Variants in CRYBA1 observed in about 807,000 individuals in gnomAD.
CRYBA1 encodes crystallin beta A1.
In CRYBA1, 25 loss-of-function variants were observed where a neutral mutation model predicts 36.2. The ratio of observed to expected loss-of-function variants is 0.69; its 90% CI spans 0.50 to 0.97. The LOEUF is 0.97. Ranked by LOEUF, CRYBA1 falls within the 50% of genes least tolerant of loss-of-function variation. CRYBA1 has a pLI of 0.00. For missense variants in CRYBA1, 224 were observed against 276.3 expected (o/e 0.81, Z 1.34); for synonymous variants, 111 against 90.0 (o/e 1.23, Z -1.32).
intron 1 of CRYBA1, among the ~76,000 whole-genome samples, chr17:29,247,147 A>G (rs1380943035): frequency 2.0e-5 from 3 of 152,238 alleles, no homozygotes; most frequent in Non-Finnish European, 4.4e-5. Context: ...GGGAGAAGGT[A>G]TGGGAGCAGG....
intron 1 of CRYBA1, among the ~76,000 whole-genome samples, chr17:29,248,056 C>T (rs1296784638): frequency 1.3e-5 from 2 of 150,890 alleles, no homozygotes; most frequent in Admixed American, 1.3e-4. Context: ...GCGGAGGTTG[C>T]GGTGAGCCGA....
At chr17:29,247,269 T>A (rs1278661984) in intron 1 of CRYBA1, among the ~76,000 whole-genome samples, 3 of 152,172 alleles carry the variant, frequency 2.0e-5, no homozygotes, top group Non-Finnish European at 4.4e-5. Context: ...TGAATATCTG[T>A]CCTAAGAAAC....
At chr17:29,250,049 A>G in intron 2 of CRYBA1, 133 bp from the exon 3 acceptor site, 1 of 757,278 alleles carries the variant, frequency 1.3e-6, no homozygotes. Flanking sequence ...CTACACTGGA[A>G]GAGACCTCAT....
chr17:29,249,234 G>A (rs1830238523), intron 2 of CRYBA1, 28 bp downstream of exon 2: 2 of 1,491,538 alleles, frequency 1.3e-6, no homozygotes, highest in Admixed American at 1.7e-5. Context: ...ACATCCAACA[G>A]GGCAGGGGTG....
intron 3 of CRYBA1, 131 bp downstream of exon 3, chr17:29,250,431 A>G (rs1036058963): frequency 2.7e-6 from 2 of 743,482 alleles, no homozygotes; most frequent in African/African-American, 3.4e-5. Flanking sequence ...AGGCCTCGAA[A>G]GAAATCACTA....
chr17:29,250,343 T>TC, intron 3 of CRYBA1, 43 bp downstream of exon 3: 2 of 1,126,024 alleles, frequency 1.8e-6, no homozygotes, highest in Non-Finnish European at 2.7e-6. Context: ...TTATTTCAGG[T>TC]CCCTTCAGAC....
intron 5 of CRYBA1, 59 bp from the exon 6 acceptor site, chr17:29,254,143 G>C (rs2068953525): frequency 1.3e-6 from 2 of 1,578,200 alleles, no homozygotes; most frequent in South Asian, 2.2e-5. Flanking sequence ...CTCAGGTTTT[G>C]GGGTATTAAC....
At chr17:29,253,032 A>G (rs1315358566) in intron 4 of CRYBA1, among the ~76,000 whole-genome samples, 1 of 152,212 alleles carries the variant, frequency 6.6e-6, no homozygotes, top group Non-Finnish European at 1.5e-5. Context: ...CCCTAAGTGA[A>G]TATTCTCATG....
chr17:29,254,438 T>A lies in CRYBA1; in HGVS notation c.*89T>A, dbSNP rs909452159. On this transcript the variant is annotated 3_prime_UTR_variant, in exon 6 of 6. Coordinates refer to ENST00000225387, the MANE Select transcript of CRYBA1 (RefSeq NM_005208.5). The stretch of plus-strand genomic sequence containing the variant: ...AAGTTTTATGTTCTGCTCACAGACA[T>A]TGCTTTCAAATGTTAGCTGCTGAAA... The A allele has an allele frequency of 1.4e-6, 2 of 1,418,350 alleles. No individual in the cohort carries two copies. Among genetic ancestry groups the A allele is most frequent in the Middle Eastern group, 1.8e-4 (1 of 5,696 alleles). 87.9% of individuals were successfully genotyped at this position (1,418,350 alleles called of 1,614,324 possible).
rs527557903 is a variant in CRYBA1 at position 29,247,771 on chromosome 17, A to G, written c.31+877A>G. On this transcript the variant is annotated intron_variant, in intron 1 of 5. Coordinates refer to ENST00000225387, the MANE Select transcript of CRYBA1 (RefSeq NM_005208.5). Reference sequence around the variant, plus strand: ...TGGCTGTGGGCTGGAGAAGGCAGGAAAGCCTCTGAGAAGGCAAGGTCAAGG... The same window carrying G: ...TGGCTGTGGGCTGGAGAAGGCAGGAGAGCCTCTGAGAAGGCAAGGTCAAGG... Among the ~76,000 whole-genome samples, 434 of 152,354 alleles carry G rather than the reference A, an allele frequency of 2.8e-3. 4 individuals are homozygous for G. Among genetic ancestry groups the G allele is most frequent in the African/African-American group, 0.01 (417 of 41,582 alleles).
At chr17:29,251,051 C>G (rs1184603803) in intron 3 of CRYBA1, among the ~76,000 whole-genome samples, 1 of 152,164 alleles carries the variant, frequency 6.6e-6, no homozygotes, top group South Asian at 2.1e-4. Flanking sequence ...AACTGAGACC[C>G]AGTTGTGAAA....
intron 1 of CRYBA1, 56 bp from the exon 2 acceptor site, chr17:29,249,086 C>A: frequency 8.4e-7 from 1 of 1,190,192 alleles, no homozygotes; most frequent in Non-Finnish European, 1.3e-6. Context: ...AAGGCATTCC[C>A]TCACCTCCCC....
intron 4 of CRYBA1, among the ~76,000 whole-genome samples, chr17:29,252,966 A>C (rs1311545054): frequency 6.6e-6 from 1 of 152,212 alleles, no homozygotes; most frequent in African/African-American, 2.4e-5. Flanking sequence ...CTCACTTTTA[A>C]AAACATTTCA....
chr17:29,252,127 C>T lies in CRYBA1; in HGVS notation c.279C>T (p.Tyr93=). 1.2e-6 allele frequency: 2 copies of T among 1,614,132 alleles called. No individual in the cohort carries two copies. The highest frequency in any genetic ancestry group is 1.1e-5 in the South Asian group (1 of 91,074). ...GQQFILERGE[Y]PRWDAWSGSN... The stretch of plus-strand genomic sequence containing the variant: ...AGTTTATCCTGGAGAGAGGAGAATA[C>T]CCTCGCTGGGATGCCTGGAGTGGGA... The change falls in exon 4 of 6, where the codon TAC becomes TAT. Residue 93 remains tyrosine (Y), a synonymous_variant. Coordinates refer to ENST00000225387, the MANE Select transcript of CRYBA1 (RefSeq NM_005208.5).
At chr17:29,248,361 T>G (rs976915025) in intron 1 of CRYBA1, among the ~76,000 whole-genome samples, 1 of 151,222 alleles carries the variant, frequency 6.6e-6, no homozygotes, top group African/African-American at 2.4e-5. Flanking sequence ...TGATCCTTGT[T>G]TTTTTTCTTT....
At chr17:29,250,756 A>C (rs1168380520) in intron 3 of CRYBA1, among the ~76,000 whole-genome samples, 1 of 151,896 alleles carries the variant, frequency 6.6e-6, no homozygotes, top group African/African-American at 2.4e-5. Context: ...GAAAAAAAAA[A>C]CCTTAACCCC....
chr17:29,254,255 G>A lies in CRYBA1; in HGVS notation c.554G>A (p.Cys185Tyr), dbSNP rs1223512936. ...GYRGYQYILE[C>Y]DHHGGDYKHW... ...CGTGGGTATCAGTATATCTTGGAAT[G>A]TGACCATCATGGAGGAGACTATAAA... The change falls in exon 6 of 6, where the codon TGT becomes TAT. Residue 185 changes from cysteine to tyrosine, a missense_variant. Physicochemically the swap from Cys to Tyr is radical, Grantham distance 194. Transcript: ENST00000225387. The A allele has an allele frequency of 1.2e-6, 2 of 1,614,120 alleles. No homozygotes were observed. Among genetic ancestry groups the A allele is most frequent in the Non-Finnish European group, 1.7e-6 (2 of 1,179,982 alleles).
At chr17:29,247,691 A>G (rs1168821015) in intron 1 of CRYBA1, among the ~76,000 whole-genome samples, 1 of 152,240 alleles carries the variant, frequency 6.6e-6, no homozygotes, top group African/African-American at 2.4e-5. Flanking sequence ...AGGACATCCA[A>G]CCAGAACACA....
rs1308217204 is a variant in CRYBA1 at position 29,250,312 on chromosome 17, C to A, written c.215+12C>A. On this transcript the variant is annotated intron_variant, in intron 3 of 5. Transcript: ENST00000225387. ...GTGGAAAGTGGCGCGTGAGTATGGA[C>A]TTCCGCAGAACCGCAGCCCCTTATT... 5.4e-6 allele frequency: 8 copies of A among 1,478,628 alleles called. No homozygotes were observed. The Admixed American group carries it at 8.4e-5, about 15-fold the overall frequency. 91.6% of individuals were successfully genotyped at this position (1,478,628 alleles called of 1,614,324 possible).
Sources: allele counts gnomAD v4.1 joint callset (sites outside exome capture counted in the v4.1 genomes callset), GRCh38; gene constraint gnomAD v4.1.1; transcripts MANE v1.5; gene names NCBI Gene and HGNC (gene_info 2026-07-23, HGNC 2026-07-21).